The following R3HDM1 variants were observed in gnomAD, a reference collection of about 807,000 sequenced individuals.
The protein encoded by R3HDM1 is R3H domain-containing protein 1.
Under a neutral mutation model 141.1 loss-of-function variants are expected in R3HDM1, and 46 were observed. The ratio of observed to expected loss-of-function variants is 0.33; its 90% CI spans 0.26 to 0.42. The LOEUF is 0.42. R3HDM1 is among the 10% of genes least tolerant of loss of function. R3HDM1 has a pLI of 1.00. For synonymous variants in R3HDM1, 435 were observed against 472.9 expected (o/e 0.92, Z 1.04); for missense variants, 1,184 against 1,368.3 (o/e 0.87, Z 2.12).
chr2:135,673,308 T>C (rs1022142883), intron 19 of R3HDM1, among the ~76,000 whole-genome samples: 3 of 152,138 alleles, frequency 2.0e-5, no homozygotes, highest in African/African-American at 7.2e-5. Context: ...TTCCAGTCTA[T>C]ACAGAACCCA....
chr2:135,597,969 T>G (rs2059329493), intron 1 of R3HDM1, among the ~76,000 whole-genome samples: 1 of 152,196 alleles, frequency 6.6e-6, no homozygotes, highest in South Asian at 2.1e-4. Context: ...TAATAAGTGA[T>G]ATTTTGAATT....
At chr2:135,591,745 G>A (rs1433873561) in intron 1 of R3HDM1, among the ~76,000 whole-genome samples, 1 of 152,168 alleles carries the variant, frequency 6.6e-6, no homozygotes, top group Admixed American at 6.5e-5. Context: ...TACAAATTTG[G>A]AGGTTCCCTC....
chr2:135,720,135 G>A (rs116064048), intron 24 of R3HDM1, among the ~76,000 whole-genome samples: 2 of 152,176 alleles, frequency 1.3e-5, no homozygotes, highest in African/African-American at 2.4e-5. Flanking sequence ...GAGCCACCGC[G>A]CCCGGCCTTC....
Position 135,661,333 on chromosome 2 carries a change from C to G in R3HDM1, c.2092C>G (p.Pro698Ala). 6.2e-7 allele frequency: 1 copy of G among 1,613,816 alleles called. No homozygotes were observed. Among genetic ancestry groups the G allele is most frequent in the Non-Finnish European group, 8.5e-7 (1 of 1,179,706 alleles). ...HSSQPQYRPVPSVHYNSHLNQ... is the reference protein window; with the variant it reads ...HSSQPQYRPVASVHYNSHLNQ... ...CAGCCAACCTCAGTATCGCCCAGTC[C>G]CTTCTGTTCATTACAATTCACATCT... Residue 698 changes from proline (P) to alanine (A), a missense_variant, in exon 19 of 27, where the codon CCT (proline) becomes GCT (alanine). By Grantham distance (27) the Pro-to-Ala change is conservative (BLOSUM62 -1). Around this residue, in one of 5 missense-constraint regions of R3HDM1, gnomAD observed 563 missense variants for 562.0 expected, o/e 1.00. Coordinates refer to ENST00000683871, the MANE Select transcript of R3HDM1 (RefSeq NM_001378107.1).
chr2:135,593,966 C>T (rs544398205), intron 1 of R3HDM1, among the ~76,000 whole-genome samples: 60 of 152,152 alleles, frequency 3.9e-4, no homozygotes, highest in Non-Finnish European at 7.5e-4. Context: ...GTGATCCGCC[C>T]GCCTCAGCCT....
At chr2:135,670,487 T>C (rs2068174375) in intron 19 of R3HDM1, 1 of 809,284 alleles carries the variant, frequency 1.2e-6, no homozygotes, top group Non-Finnish European at 1.5e-6. Flanking sequence ...GTACAATTTC[T>C]ATTGATAAGA....
At chr2:135,649,777 TA>T (rs2064941393) in intron 16 of R3HDM1, 124 bp from the exon 17 acceptor site, 1 of 380,082 alleles carries the variant, frequency 2.6e-6, no homozygotes, top group African/African-American at 2.2e-5. Context: ...TATGTTGTTA[TA>T]TTTTAAATGA....
intron 24 of R3HDM1, among the ~76,000 whole-genome samples, chr2:135,716,818 GGCAGGCACCTATAATCC>G (rs1041850740): frequency 6.6e-6 from 1 of 152,084 alleles, no homozygotes; most frequent in Non-Finnish European, 1.5e-5. Flanking sequence ...TGGGCGTGGT[GGCAGGCACCTATAATCC>G]CAGCTACTCG....
chr2:135,580,732 C>G (rs890107685), intron 1 of R3HDM1, among the ~76,000 whole-genome samples: 1 of 152,182 alleles, frequency 6.6e-6, no homozygotes, highest in Admixed American at 6.5e-5. Flanking sequence ...AAACAACAAA[C>G]TCTTAGCTTT....
intron 1 of R3HDM1, among the ~76,000 whole-genome samples, chr2:135,587,920 C>A (rs55852525): frequency 6.6e-6 from 1 of 151,692 alleles, no homozygotes; most frequent in Non-Finnish European, 1.5e-5. Context: ...ACCCATTTTT[C>A]TCCCCCTCTC....
chr2:135,654,098 A>G (rs543349209), intron 18 of R3HDM1, among the ~76,000 whole-genome samples: 29 of 152,092 alleles, frequency 1.9e-4, no homozygotes, highest in African/African-American at 5.8e-4. Context: ...CTAAAAGGAA[A>G]CCCCATATCT....
At chr2:135,630,439 TA>T (rs959918229) in intron 7 of R3HDM1, among the ~76,000 whole-genome samples, 4 of 152,162 alleles carry the variant, frequency 2.6e-5, no homozygotes, top group Non-Finnish European at 4.4e-5. Flanking sequence ...TAAATTTTGT[TA>T]AAATGTAATT....
intron 21 of R3HDM1, among the ~76,000 whole-genome samples, chr2:135,694,275 C>T (rs1332536579): frequency 6.6e-6 from 1 of 152,160 alleles, no homozygotes; most frequent in Non-Finnish European, 1.5e-5. Context: ...GATAGGCCAA[C>T]CCAGTTTACA....
intron 1 of R3HDM1, among the ~76,000 whole-genome samples, chr2:135,539,859 G>A (rs1381672343): frequency 6.6e-6 from 1 of 152,178 alleles, no homozygotes; most frequent in Non-Finnish European, 1.5e-5. Context: ...TCAAGATGGT[G>A]GTTGCTGAAG....
intron 1 of R3HDM1, among the ~76,000 whole-genome samples, chr2:135,540,780 A>C (rs1253462187): frequency 2.0e-5 from 3 of 152,170 alleles, no homozygotes; most frequent in Non-Finnish European, 4.4e-5. Context: ...TACTTTACCC[A>C]GTTGCATCAG....
intron 7 of R3HDM1, among the ~76,000 whole-genome samples, chr2:135,626,297 T>C (rs2062048955): frequency 6.6e-6 from 1 of 151,934 alleles, no homozygotes; most frequent in African/African-American, 2.4e-5. Context: ...GTCTTCTCTG[T>C]TGATTGTTGT....
At chr2:135,672,657 C>G (rs959748221) in intron 19 of R3HDM1, among the ~76,000 whole-genome samples, 4 of 152,054 alleles carry the variant, frequency 2.6e-5, no homozygotes, top group African/African-American at 9.7e-5. Context: ...TAACAAATGA[C>G]TAGATGCTGA....
chr2:135,689,726 C>T (rs2072004033), intron 21 of R3HDM1, among the ~76,000 whole-genome samples: 1 of 152,190 alleles, frequency 6.6e-6, no homozygotes, highest in South Asian at 2.1e-4. Context: ...TACAAGTCAA[C>T]ATATACTGTC....
intron 1 of R3HDM1, among the ~76,000 whole-genome samples, chr2:135,576,595 C>A (rs1490317721): frequency 6.6e-6 from 1 of 152,086 alleles, no homozygotes; most frequent in Non-Finnish European, 1.5e-5. Flanking sequence ...CCAAAAAATT[C>A]AAACTTATAT....
Sources: gnomAD v4.1 joint callset for allele counts (sites outside exome capture counted in the v4.1 genomes callset) on GRCh38, gnomAD v4.1.1 for gene constraint, gnomAD v4.1.1 regional missense constraint, MANE v1.5 for transcripts, NCBI Gene and HGNC (gene_info 2026-07-23, HGNC 2026-07-21) for gene names.